Variants in KRCC1 observed in about 807,000 individuals in gnomAD.
KRCC1 encodes the protein lysine-rich coiled-coil protein 1.
In KRCC1, 3 loss-of-function variants were observed where a neutral mutation model predicts 7.4. That is an observed-to-expected ratio of 0.40 (90% CI 0.18 to 1.04). KRCC1 has a LOEUF of 1.04. KRCC1 is among the 50% of genes least tolerant of loss of function. KRCC1 has a pLI of 0.33. For synonymous variants in KRCC1, 102 were observed against 101.6 expected, an observed-to-expected ratio of 1.00 and a Z score of -0.02; for missense variants, 277 against 300.9, an observed-to-expected ratio of 0.92 and a Z score of 0.59.
intron 1 of KRCC1, among the ~76,000 whole-genome samples, chr2:88,041,057 C>T (rs1399218065): frequency 6.6e-6 from 1 of 152,092 alleles, no homozygotes; most frequent in Non-Finnish European, 1.5e-5. Flanking sequence ...TTTAATTCTG[C>T]AGTCAATAGG....
intron 3 of KRCC1, 79 bp from the exon 4 acceptor site, chr2:88,028,664 T>TTTTTC (rs60603649): frequency 8.1e-6 from 6 of 737,400 alleles, no homozygotes; most frequent in Non-Finnish European, 4.2e-6. Flanking sequence ...TTTTTTTTTT[T>TTTTTC]CTTGAGATGG....
chr2:88,053,666 A>C (rs1418539188), intron 1 of KRCC1, among the ~76,000 whole-genome samples: 1 of 152,218 alleles, frequency 6.6e-6, no homozygotes, highest in Non-Finnish European at 1.5e-5. Context: ...GTGAACAGAA[A>C]AAGTGCTTAC....
chr2:88,055,212 T>G (rs1324647974), intron 1 of KRCC1, among the ~76,000 whole-genome samples: 1 of 152,094 alleles, frequency 6.6e-6, no homozygotes, highest in East Asian at 1.9e-4. Flanking sequence ...CTTTCCAGGA[T>G]GCTGAACTTC....
Position 88,027,892 on chromosome 2 carries a change from AT to A in KRCC1, c.671del (p.Asp224ValfsTer2). 6.2e-7 allele frequency: 1 copy of A among 1,613,912 alleles called. No individual in the cohort carries two copies. The highest frequency in any genetic ancestry group is 8.5e-7 in the Non-Finnish European group (1 of 1,180,012). On this transcript the variant is annotated frameshift_variant, in exon 4 of 4. Coordinates refer to ENST00000347055, the MANE Select transcript of KRCC1 (RefSeq NM_016618.3). LOFTEE classifies it high-confidence loss of function. Reference sequence around the variant, plus strand: ...TACGTTCCTCTTTCTTAGAGACTACATCTCGGCTTTTTTTCTCCTTTCGATT... The same window carrying A: ...TACGTTCCTCTTTCTTAGAGACTACACTCGGCTTTTTTTCTCCTTTCGATT... ...LKNRKEKKSRDVVSKKEERKR... is the reference protein window; with the variant it reads ...LKNRKEKKSRXVVSKKEERKR...
chr2:88,047,778 C>T (rs1285314277), intron 1 of KRCC1, among the ~76,000 whole-genome samples: 5 of 152,116 alleles, frequency 3.3e-5, no homozygotes, highest in Admixed American at 2.6e-4. Flanking sequence ...GATCTGCCGC[C>T]TCGGCCTCTC....
intron 1 of KRCC1, among the ~76,000 whole-genome samples, chr2:88,055,355 T>A (rs892071037): frequency 1.3e-5 from 2 of 152,058 alleles, no homozygotes; most frequent in African/African-American, 4.8e-5. Context: ...GGGTCTAGAT[T>A]TCCTCTTGGT....
chr2:88,029,412 AATTG>A (rs1480107406), intron 3 of KRCC1, among the ~76,000 whole-genome samples: 1 of 152,200 alleles, frequency 6.6e-6, no homozygotes, highest in Non-Finnish European at 1.5e-5. Context: ...ATGTTTATAA[AATTG>A]ATTGGGAATG....
At chr2:88,048,611 T>C (rs990847572) in intron 1 of KRCC1, among the ~76,000 whole-genome samples, 4 of 152,238 alleles carry the variant, frequency 2.6e-5, no homozygotes, top group Admixed American at 2.0e-4. Flanking sequence ...GCTTTTTACA[T>C]AGATGATCAT....
intron 1 of KRCC1, among the ~76,000 whole-genome samples, chr2:88,041,720 T>C (rs1014604629): frequency 6.6e-6 from 1 of 152,218 alleles, no homozygotes; most frequent in Non-Finnish European, 1.5e-5. Flanking sequence ...CTCTTTCACT[T>C]GCATAGTGAT....
In KRCC1 at chr2:88,028,570, G is replaced by T; in HGVS notation, c.-7C>A. 3 of 1,587,388 alleles carry T rather than the reference G, an allele frequency of 1.9e-6. No individual in the cohort carries two copies. The South Asian group carries it at 3.4e-5, about 18-fold the overall frequency. ...TCTTCTTTGAATGCTTCATTAGGTT[G>T]ACAAAACGGGATTTTCTGCAAAAAA... is the stretch of plus-strand genomic sequence containing the variant. On this transcript the variant is annotated 5_prime_UTR_variant, in exon 4 of 4. Transcript: ENST00000347055.
intron 1 of KRCC1, among the ~76,000 whole-genome samples, chr2:88,038,099 A>G (rs139454347): frequency 6.6e-6 from 1 of 152,370 alleles, no homozygotes; most frequent in Non-Finnish European, 1.5e-5. Context: ...AACAATATGT[A>G]GAACTCAATC....
At position 88,027,697 on chromosome 2, in the gene KRCC1, A is replaced by C; in HGVS notation, c.*87T>G. 8.4e-7 allele frequency: 1 copy of C among 1,188,704 alleles called. No homozygotes were observed. Among genetic ancestry groups the C allele is most frequent in the Non-Finnish European group, 1.2e-6 (1 of 847,742 alleles). 73.6% of individuals were successfully genotyped at this position (1,188,704 alleles called of 1,614,324 possible). A position where few individuals can be genotyped will look rare whatever the true frequency, so the allele number is the denominator to read the frequency against. On this transcript the variant is annotated 3_prime_UTR_variant, in exon 4 of 4. Coordinates refer to ENST00000347055, the MANE Select transcript of KRCC1 (RefSeq NM_016618.3). ...AGAAGTTAAAGAACCTATTCACATA[A>C]GAAAAGTGGTATGAACACGGATATC...
At chr2:88,031,589 T>C (rs1672992020) in intron 3 of KRCC1, among the ~76,000 whole-genome samples, 2 of 151,574 alleles carry the variant, frequency 1.3e-5, no homozygotes, top group African/African-American at 2.4e-5. Flanking sequence ...GCCACTGCAC[T>C]CCAGCCTGGG....
At position 88,028,435 on chromosome 2, in the gene KRCC1, G is replaced by A. The variant is rs763267533; in HGVS notation, c.129C>T (p.Thr43=). ...AATTAACCTCTCCTTTGTACCCACA[G>A]GTTTCCAAATAGTCCCCTTTCATCT... ...FRKMKGDYLE[T]CGYKGEVNSR... The change falls in exon 4 of 4, where the codon ACC becomes ACT. Residue 43 remains threonine, a synonymous_variant. Coordinates refer to ENST00000347055, the MANE Select transcript of KRCC1 (RefSeq NM_016618.3). The A allele has an allele frequency of 1.2e-6, 2 of 1,614,010 alleles. No homozygotes were observed. Among genetic ancestry groups the A allele is most frequent in the South Asian group, 1.1e-5 (1 of 91,090 alleles).
chr2:88,035,979 G>A lies in KRCC1; in HGVS notation c.-182+964C>T, dbSNP rs192879852. Among the ~76,000 whole-genome samples, 361 of 152,236 alleles carry A rather than the reference G, an allele frequency of 2.4e-3. 4 individuals are homozygous for A. Among genetic ancestry groups the A allele is most frequent in the Non-Finnish European group, 1.6e-3 (106 of 67,998 alleles). On this transcript the variant is annotated intron_variant, in intron 2 of 3. Transcript: ENST00000347055. ...CAAAGTGATTTGCTCAGCAATTAAT[G>A]GTGGAGTCAAGGCTTGAATCCAAGT...
chr2:88,042,663 C>A (rs1344491649), intron 1 of KRCC1, among the ~76,000 whole-genome samples: 3 of 152,154 alleles, frequency 2.0e-5, no homozygotes, highest in Non-Finnish European at 2.9e-5. Flanking sequence ...TCAAGCGATC[C>A]TCCTCCCTTG....
intron 1 of KRCC1, among the ~76,000 whole-genome samples, chr2:88,039,919 C>T (rs1398927378): frequency 6.6e-6 from 1 of 151,206 alleles, no homozygotes; most frequent in African/African-American, 2.4e-5. Context: ...AGTACCAACA[C>T]TTTGGGAGGC....
chr2:88,028,632 A>ATCTTTTTTTTTTTTTT (rs1384966822), intron 3 of KRCC1, 47 bp from the exon 4 acceptor site: 80 of 861,086 alleles, frequency 9.3e-5, no homozygotes, highest in Admixed American at 6.0e-5. Flanking sequence ...TGTCCTGAGC[A>ATCTTTTTTTTTTTTTT]TTTCCTTTGC....
chr2:88,032,699 G>A (rs189881032), intron 3 of KRCC1, among the ~76,000 whole-genome samples: 2 of 149,982 alleles, frequency 1.3e-5, no homozygotes, highest in East Asian at 1.9e-4. Flanking sequence ...GTGGTATAAC[G>A]ATACAATGAA....
Sources: allele counts gnomAD v4.1 joint callset (sites outside exome capture counted in the v4.1 genomes callset), GRCh38; gene constraint gnomAD v4.1.1; transcripts MANE v1.5; gene names NCBI Gene and HGNC (gene_info 2026-07-23, HGNC 2026-07-21).